TEC: variants seen among roughly 807,000 people sequenced by gnomAD.
TEC encodes the protein tyrosine-protein kinase Tec.
In TEC, 72 loss-of-function variants were observed where a neutral mutation model predicts 93.0. The observed-to-expected ratio is 0.77, with a 90% CI of 0.64 to 0.94. The LOEUF (loss-of-function observed/expected upper bound fraction) is 0.94. Ranked by LOEUF, TEC falls within the 40% of genes least tolerant of loss-of-function variation. The pLI is 0.00. For missense variants in TEC, 630 were observed against 757.9 expected (o/e 0.83, Z 1.98); for synonymous variants, 249 against 247.7 (o/e 1.01, Z -0.05).
At chr4:48,143,533 A>AATG (rs1223045165) in intron 14 of TEC, among the ~76,000 whole-genome samples, 2 of 152,254 alleles carry the variant, frequency 1.3e-5, no homozygotes, top group Non-Finnish European at 2.9e-5. Flanking sequence ...CCAGTCAAAT[A>AATG]ATGTGACCTT....
rs778974555 is a variant in TEC, at chr4:48,171,496, G to A, written c.244-47C>T. The A allele has an allele frequency of 2.7e-6, 4 of 1,491,782 alleles. No individual in the cohort carries two copies. In the African/African-American group the frequency reaches 5.5e-5, roughly 21 times the overall value. The allele number at this position is 1,491,782 out of a possible 1,614,324, so 92.4% of individuals were successfully genotyped here. ...AATTGGTGAAGAGGACTTAGACACAGCACTTCTGTCTAGCACAGAACCCTT... is the reference window on the plus strand; with the variant it reads ...AATTGGTGAAGAGGACTTAGACACAACACTTCTGTCTAGCACAGAACCCTT... On this transcript the variant is annotated intron_variant, in intron 3 of 17. Transcript: ENST00000381501.
At chr4:48,160,859 G>GAGGGAGGAAGGAAGGAAGGAAGGAAGGA (rs1720623065) in intron 8 of TEC, among the ~76,000 whole-genome samples, 1 of 110,836 alleles carries the variant, frequency 9.0e-6, no homozygotes. Flanking sequence ...GGGAGGAAGG[G>GAGGGAGGAAGGAAGGAAGGAAGGAAGGA]AGGAAGGAAT....
intron 2 of TEC, among the ~76,000 whole-genome samples, chr4:48,201,606 C>A (rs540750397): frequency 6.6e-6 from 1 of 152,272 alleles, no homozygotes; most frequent in Admixed American, 6.5e-5. Flanking sequence ...CAAGAAGGGC[C>A]GTGGGCTACC....
chr4:48,231,495 G>A (rs1261378890), intron 1 of TEC, among the ~76,000 whole-genome samples: 3 of 152,194 alleles, frequency 2.0e-5, no homozygotes, highest in South Asian at 2.1e-4. Context: ...GGTGGCTCAC[G>A]CCTGTAATCC....
At chr4:48,206,777 C>CAAAAAAAAAAA (rs34761710) in intron 2 of TEC, among the ~76,000 whole-genome samples, 1 of 89,210 alleles carries the variant, frequency 1.1e-5, no homozygotes, top group African/African-American at 3.9e-5. Flanking sequence ...CTCGTTGCTA[C>CAAAAAAAAAAA]AAAAAAAAAA....
intron 1 of TEC, among the ~76,000 whole-genome samples, chr4:48,251,167 C>G (rs538003981): frequency 6.6e-6 from 1 of 152,306 alleles, no homozygotes; most frequent in African/African-American, 2.4e-5. Context: ...TAGTATATGA[C>G]CTACTTCTCT....
Position 48,137,301 on chromosome 4 carries a change from T to A in TEC, c.*115A>T, listed in dbSNP as rs561010659. The A allele has an allele frequency of 3.1e-5, 24 of 775,170 alleles. No individual in the cohort carries two copies. In the East Asian group the frequency reaches 6.1e-4, roughly 20 times the overall value. The allele number at this position is 775,170 out of a possible 1,614,324, so 48.0% of individuals were successfully genotyped here. A position where few individuals can be genotyped will look rare whatever the true frequency, so the allele number is the denominator to read the frequency against. ...GGTCTAGAAGCAAATTATTTATGTG[T>A]TTCCACTGTATAAGTAAAATGATCT... On this transcript the variant is annotated 3_prime_UTR_variant, in exon 18 of 18. Coordinates refer to ENST00000381501, the MANE Select transcript of TEC (RefSeq NM_003215.3).
At chr4:48,170,841 G>A (rs1039349888) in intron 4 of TEC, among the ~76,000 whole-genome samples, 21 of 152,010 alleles carry the variant, frequency 1.4e-4, no homozygotes, top group Non-Finnish European at 2.6e-4. Flanking sequence ...ACCTGAGGTC[G>A]GGAGTTCAAG....
intron 14 of TEC, among the ~76,000 whole-genome samples, chr4:48,142,601 C>G (rs1371453184): frequency 6.6e-6 from 1 of 152,162 alleles, no homozygotes; most frequent in Non-Finnish European, 1.5e-5. Flanking sequence ...GCATGTTCTT[C>G]AAGGTTACAA....
intron 2 of TEC, among the ~76,000 whole-genome samples, chr4:48,222,735 AT>A (rs1723307848): frequency 6.6e-6 from 1 of 152,078 alleles, no homozygotes; most frequent in African/African-American, 2.4e-5. Flanking sequence ...TCAAACTGGG[AT>A]TCACATCACT....
chr4:48,247,184 G>A (rs902276591), intron 1 of TEC, among the ~76,000 whole-genome samples: 4 of 152,078 alleles, frequency 2.6e-5, no homozygotes, highest in Non-Finnish European at 5.9e-5. Context: ...TTGAAACGAC[G>A]AGATACCACT....
intron 2 of TEC, among the ~76,000 whole-genome samples, chr4:48,186,743 G>C (rs1281882280): frequency 1.3e-5 from 2 of 151,556 alleles, no homozygotes; most frequent in African/African-American, 4.8e-5. Flanking sequence ...CGCCCGGTCA[G>C]CCGCCCCGTC....
At chr4:48,245,038 T>C (rs1280771555) in intron 1 of TEC, among the ~76,000 whole-genome samples, 2 of 152,222 alleles carry the variant, frequency 1.3e-5, no homozygotes, top group Non-Finnish European at 2.9e-5. Flanking sequence ...CTCACGCCTG[T>C]AACCCCAGCA....
At chr4:48,156,171 G>A (rs551193610) in intron 9 of TEC, among the ~76,000 whole-genome samples, 1 of 152,286 alleles carries the variant, frequency 6.6e-6, no homozygotes, top group Non-Finnish European at 1.5e-5. Flanking sequence ...CAGTTTCAAG[G>A]TGTAGCGTGT....
chr4:48,182,945 C>A (rs536122677), intron 2 of TEC, among the ~76,000 whole-genome samples: 2 of 152,312 alleles, frequency 1.3e-5, no homozygotes, highest in Admixed American at 1.3e-4. Flanking sequence ...AGAGTCCCCA[C>A]CACACACAGG....
At chr4:48,238,269 T>A (rs1253121068) in intron 1 of TEC, among the ~76,000 whole-genome samples, 1 of 152,232 alleles carries the variant, frequency 6.6e-6, no homozygotes, top group African/African-American at 2.4e-5. Flanking sequence ...AAAAGCACCA[T>A]GTGATAACCT....
chr4:48,208,544 C>G (rs1237985141), intron 2 of TEC, among the ~76,000 whole-genome samples: 4 of 151,786 alleles, frequency 2.6e-5, no homozygotes, highest in Non-Finnish European at 5.9e-5. Context: ...TCCTTTCCCT[C>G]TCTGCTGTTC....
intron 8 of TEC, among the ~76,000 whole-genome samples, chr4:48,157,468 A>C (rs932192221): frequency 5.9e-5 from 9 of 152,302 alleles, no homozygotes; most frequent in African/African-American, 2.2e-4. Context: ...CCCTCCCACC[A>C]GATCTTTCCA....
chr4:48,186,685 G>T (rs1366890077), intron 2 of TEC, among the ~76,000 whole-genome samples: 1 of 151,526 alleles, frequency 6.6e-6, no homozygotes, highest in African/African-American at 2.4e-5. Flanking sequence ...GAAGTGAGGA[G>T]CCCCTCCGCC....
Sources: allele counts gnomAD v4.1 joint callset (sites outside exome capture counted in the v4.1 genomes callset), GRCh38; gene constraint gnomAD v4.1.1; transcripts MANE v1.5; gene names NCBI Gene and HGNC (gene_info 2026-07-23, HGNC 2026-07-21).